Variants in SAMD12 observed in about 807,000 individuals in gnomAD.
SAMD12 encodes sterile alpha motif domain containing 12, also known as sterile alpha motif domain-containing protein 12.
In SAMD12, 9 loss-of-function variants were observed where a neutral mutation model predicts 15.0. The observed-to-expected ratio is 0.60, with a 90% CI of 0.36 to 1.05. The LOEUF (loss-of-function observed/expected upper bound fraction) is 1.05, where lower values mean the gene tolerates loss of function less well. Among genes scored for constraint, SAMD12 ranks in the 50% least tolerant of loss-of-function variants. The probability of loss-of-function intolerance (pLI) is 0.01; values close to 1 mark genes in which losing one functional copy is unlikely to be tolerated. For synonymous variants in SAMD12, 86 were observed against 90.1 expected (o/e 0.96, Z 0.25); for missense variants, 230 against 234.2 (o/e 0.98, Z 0.12).
At chr8:118,466,652 T>C (rs564087571) in intron 2 of SAMD12, among the ~76,000 whole-genome samples, 1 of 152,316 alleles carries the variant, frequency 6.6e-6, no homozygotes, top group African/African-American at 2.4e-5. Flanking sequence ...ATGGCTGACA[T>C]CTATTTAAGC....
intron 2 of SAMD12, among the ~76,000 whole-genome samples, chr8:118,475,381 T>C (rs182427810): frequency 7.1e-4 from 108 of 152,336 alleles, no homozygotes; most frequent in Admixed American, 1.2e-3. Context: ...CCTCACTAGA[T>C]GCAGATGCCA....
chr8:118,373,873 C>T (rs1054940660), downstream of SAMD12, among the ~76,000 whole-genome samples: 2 of 152,084 alleles, frequency 1.3e-5, no homozygotes, highest in African/African-American at 2.4e-5. Context: ...AATAGTTCCA[C>T]ACTACAGCAT....
chr8:118,597,344 C>T (rs1230387354), intron 1 of SAMD12, among the ~76,000 whole-genome samples: 2 of 152,170 alleles, frequency 1.3e-5, no homozygotes, highest in Non-Finnish European at 2.9e-5. Context: ...GCCATACCAC[C>T]AGTGCTGACT....
At chr8:118,374,163 C>CT (rs1290041733), downstream of SAMD12, among the ~76,000 whole-genome samples, 1 of 152,090 alleles carries the variant, frequency 6.6e-6, no homozygotes, top group East Asian at 1.9e-4. Flanking sequence ...CCTCCAAGCC[C>CT]TTGTAGCCAC....
chr8:118,472,793 TA>T (rs992311988), intron 2 of SAMD12, among the ~76,000 whole-genome samples: 18 of 151,864 alleles, frequency 1.2e-4, no homozygotes, highest in Non-Finnish European at 2.5e-4. Context: ...AAAAGCCTGG[TA>T]TACATTGCTG....
At chr8:118,585,928 G>A (rs1185275523) in intron 1 of SAMD12, among the ~76,000 whole-genome samples, 1 of 152,206 alleles carries the variant, frequency 6.6e-6, no homozygotes, top group African/African-American at 2.4e-5. Context: ...CCAAGAACAA[G>A]TGCATCTTAG....
chr8:118,525,677 C>T (rs1161259014), intron 2 of SAMD12, among the ~76,000 whole-genome samples: 1 of 152,224 alleles, frequency 6.6e-6, no homozygotes, highest in African/African-American at 2.4e-5. Flanking sequence ...AACACTTCCA[C>T]TGCCTCCTTG....
chr8:118,161,523 C>A, the SAMD12 span, among the ~76,000 whole-genome samples: 35 of 143,610 alleles, frequency 2.4e-4, no homozygotes, highest in East Asian at 5.7e-3. Context: ...TGTGATCATG[C>A]GACTGCAGTT....
chr8:118,358,924 A>G (rs1295980257), intron 4 of SAMD12, among the ~76,000 whole-genome samples: 1 of 152,190 alleles, frequency 6.6e-6, no homozygotes, highest in Non-Finnish European at 1.5e-5. Flanking sequence ...TAGACCATTT[A>G]TAGATATAAA....
At chr8:118,475,138 C>T (rs1417022609) in intron 2 of SAMD12, among the ~76,000 whole-genome samples, 2 of 152,182 alleles carry the variant, frequency 1.3e-5, no homozygotes, top group East Asian at 3.9e-4. Context: ...ACTCAGGAGG[C>T]TGAGGCAGGA....
chr8:118,149,464 T>C, the SAMD12 span, among the ~76,000 whole-genome samples: 1 of 152,264 alleles, frequency 6.6e-6, no homozygotes, highest in Non-Finnish European at 1.5e-5. Flanking sequence ...TTTATTGGGT[T>C]GTTTATTTTC....
intron 2 of SAMD12, among the ~76,000 whole-genome samples, chr8:118,541,052 T>C (rs1453464915): frequency 6.6e-6 from 1 of 152,188 alleles, no homozygotes; most frequent in African/African-American, 2.4e-5. Flanking sequence ...GACCTGTCTT[T>C]CCCAGAGGAT....
chr8:118,342,782 T>C (rs946884254), intron 4 of SAMD12, among the ~76,000 whole-genome samples: 2 of 152,188 alleles, frequency 1.3e-5, no homozygotes, highest in African/African-American at 2.4e-5. Flanking sequence ...TTAATTACTC[T>C]AGAAGTTTCT....
chr8:118,250,338 G>C (rs190269569), intron 4 of SAMD12, among the ~76,000 whole-genome samples: 2 of 152,042 alleles, frequency 1.3e-5, no homozygotes, highest in African/African-American at 2.4e-5. Flanking sequence ...AAAAATAAGG[G>C]AGTGATGTAA....
chr8:118,335,902 G>C (rs1586553113), intron 4 of SAMD12, among the ~76,000 whole-genome samples: 1 of 151,968 alleles, frequency 6.6e-6, no homozygotes, highest in East Asian at 1.9e-4. Context: ...AGCCCTCTAA[G>C]TTTTGTACTT....
chr8:118,139,357 T>C, the SAMD12 span, among the ~76,000 whole-genome samples: 1 of 152,206 alleles, frequency 6.6e-6, no homozygotes, highest in African/African-American at 2.4e-5. Flanking sequence ...TCTTTATTTG[T>C]TTAGTTTTAG....
chr8:118,332,193 A>C (rs1043279898), intron 4 of SAMD12, among the ~76,000 whole-genome samples: 1 of 152,272 alleles, frequency 6.6e-6, no homozygotes, highest in East Asian at 1.9e-4. Context: ...TGAAAGGCTG[A>C]AAGTGTATAA....
the SAMD12 span, among the ~76,000 whole-genome samples, chr8:118,155,096 AAT>A: frequency 1.7e-3 from 265 of 152,016 alleles, 1 homozygote; most frequent in African/African-American, 6.0e-3. Context: ...TTTAATTCTG[AAT>A]ATATATATAT....
chr8:118,373,125 C>A (rs1369114673), downstream of SAMD12, among the ~76,000 whole-genome samples: 1 of 151,986 alleles, frequency 6.6e-6, no homozygotes, highest in Non-Finnish European at 1.5e-5. Context: ...TAACTGTGCA[C>A]TAAAAATGGT....
Sources: allele counts gnomAD v4.1 joint callset (sites outside exome capture counted in the v4.1 genomes callset), GRCh38; gene constraint gnomAD v4.1.1; transcripts MANE v1.5; gene names NCBI Gene and HGNC (gene_info 2026-07-23, HGNC 2026-07-21).